RBFOX1: variants seen among roughly 807,000 people sequenced by gnomAD.
RBFOX1 encodes RNA binding fox-1 homolog 1.
RBFOX1 carries 8 observed loss-of-function variants against 57.7 expected under a neutral mutation model. That is an observed-to-expected ratio of 0.14 (90% CI 0.08 to 0.25). The LOEUF (loss-of-function observed/expected upper bound fraction) is 0.25, where lower values mean the gene tolerates loss of function less well. Ranked by LOEUF, RBFOX1 falls within the 10% of genes least tolerant of loss-of-function variation. The pLI is 1.00. For synonymous variants in RBFOX1, 326 were observed against 222.4 expected (o/e 1.47, Z -4.15); for missense variants, 611 against 548.5 (o/e 1.11, Z -1.14).
chr16:6,645,087 G>A (rs149430315), intron 2 of RBFOX1, among the ~76,000 whole-genome samples: 4 of 152,160 alleles, frequency 2.6e-5, no homozygotes, highest in Non-Finnish European at 5.9e-5. Context: ...CTCTTCCAGT[G>A]TCTGGTAGCT....
intron 3 of RBFOX1, among the ~76,000 whole-genome samples, chr16:6,927,346 G>C (rs916836139): frequency 2.2e-5 from 3 of 139,060 alleles, no homozygotes; most frequent in Admixed American, 8.0e-5. Context: ...CCGGGAGGCA[G>C]AGGTTGCAGT....
chr16:7,516,344 C>A lies in RBFOX1; in HGVS notation c.28-1803C>A, dbSNP rs2076350079. Among the ~76,000 whole-genome samples, 6 of 152,004 alleles carry A rather than the reference C, an allele frequency of 3.9e-5. 1 individual carries two copies. In the South Asian group the frequency reaches 1.3e-3, roughly 32 times the overall value. ...AATCCATGGGACTATCTCAGTGGGA[C>A]CATCTGATTGGCCAGGCTGATGTCC... On this transcript the variant is annotated intron_variant, in intron 4 of 15. Coordinates refer to ENST00000550418, the MANE Select transcript of RBFOX1 (RefSeq NM_018723.4).
At chr16:7,491,304 T>C (rs926235415) in intron 4 of RBFOX1, among the ~76,000 whole-genome samples, 1 of 151,738 alleles carries the variant, frequency 6.6e-6, no homozygotes, top group Middle Eastern at 3.4e-3. Context: ...GTTGCTTTGC[T>C]ATTTAATGCA....
At chr16:7,082,403 C>G (rs1288732305) in intron 4 of RBFOX1, among the ~76,000 whole-genome samples, 2 of 151,788 alleles carry the variant, frequency 1.3e-5, no homozygotes, top group Admixed American at 6.6e-5. Flanking sequence ...AAACATGGCA[C>G]AACCCTGCAT....
At chr16:7,283,962 C>G (rs2095599222) in intron 4 of RBFOX1, among the ~76,000 whole-genome samples, 1 of 152,222 alleles carries the variant, frequency 6.6e-6, no homozygotes, top group Non-Finnish European at 1.5e-5. Flanking sequence ...AGCTCTAGAT[C>G]CTGGGAATTG....
intron 2 of RBFOX1, among the ~76,000 whole-genome samples, chr16:6,540,570 C>G (rs900283995): frequency 1.4e-5 from 2 of 142,136 alleles, no homozygotes. Context: ...CGAGATTGCA[C>G]CACTGTACTC....
At chr16:6,563,069 C>T (rs538239603) in intron 2 of RBFOX1, among the ~76,000 whole-genome samples, 2 of 151,894 alleles carry the variant, frequency 1.3e-5, no homozygotes, top group Non-Finnish European at 2.9e-5. Context: ...GGCAGGGGGC[C>T]ATGGAGTATA....
chr16:6,984,084 C>G (rs1452232640), intron 3 of RBFOX1, among the ~76,000 whole-genome samples: 1 of 152,072 alleles, frequency 6.6e-6, no homozygotes, highest in Non-Finnish European at 1.5e-5. Context: ...CCTGTCTCTA[C>G]TAAAAATACG....
chr16:5,556,346 C>G (rs1390543880), intron 2 of RBFOX1, among the ~76,000 whole-genome samples: 2 of 152,166 alleles, frequency 1.3e-5, no homozygotes, highest in African/African-American at 2.4e-5. Context: ...TGCCTACCCT[C>G]CCCGGCAGCT....
chr16:6,641,302 A>C (rs2098485599), intron 2 of RBFOX1, among the ~76,000 whole-genome samples: 1 of 152,174 alleles, frequency 6.6e-6, no homozygotes, highest in Admixed American at 6.5e-5. Flanking sequence ...ACAGCATTGT[A>C]ACACGGTTCA....
At chr16:6,202,226 A>G (rs948769157) in intron 1 of RBFOX1, among the ~76,000 whole-genome samples, 1 of 152,170 alleles carries the variant, frequency 6.6e-6, no homozygotes, top group Non-Finnish European at 1.5e-5. Flanking sequence ...CCTAATTTTC[A>G]CATGGCTGTG....
intron 4 of RBFOX1, among the ~76,000 whole-genome samples, chr16:7,420,958 C>CAT (rs1438388550): frequency 1.0e-4 from 15 of 146,424 alleles, no homozygotes; most frequent in African/African-American, 3.7e-4. Flanking sequence ...CACACACACA[C>CAT]ACATATATAT....
chr16:6,266,855 G>A (rs1015075615), intron 1 of RBFOX1, among the ~76,000 whole-genome samples: 4 of 152,084 alleles, frequency 2.6e-5, no homozygotes, highest in African/African-American at 9.7e-5. Context: ...TTTTTTGTCT[G>A]TCTTCTGTAT....
At chr16:6,480,277 A>G (rs962914772) in intron 2 of RBFOX1, among the ~76,000 whole-genome samples, 2 of 152,218 alleles carry the variant, frequency 1.3e-5, no homozygotes, top group African/African-American at 2.4e-5. Flanking sequence ...CACTTAAAAC[A>G]AGTTATATGT....
At chr16:7,050,252 C>G (rs1388744983) in intron 3 of RBFOX1, among the ~76,000 whole-genome samples, 4 of 143,020 alleles carry the variant, frequency 2.8e-5, no homozygotes, top group Non-Finnish European at 6.1e-5. Flanking sequence ...TTTTTTTTTC[C>G]TTTATTTTTA....
At chr16:6,677,003 C>T (rs1378373294) in intron 3 of RBFOX1, among the ~76,000 whole-genome samples, 1 of 152,006 alleles carries the variant, frequency 6.6e-6, no homozygotes, top group Non-Finnish European at 1.5e-5. Flanking sequence ...TGCACAGATC[C>T]AAAAGACCAA....
At chr16:6,930,481 C>A (rs1200476358) in intron 3 of RBFOX1, among the ~76,000 whole-genome samples, 1 of 151,368 alleles carries the variant, frequency 6.6e-6, no homozygotes, top group Non-Finnish European at 1.5e-5. Context: ...GTGATCTCGG[C>A]TCACTACAAC....
chr16:6,168,800 G>T (rs1021406971), intron 1 of RBFOX1, among the ~76,000 whole-genome samples: 2 of 151,470 alleles, frequency 1.3e-5, no homozygotes, highest in African/African-American at 4.9e-5. Context: ...CATTTTCACT[G>T]GTTCTTTCAC....
chr16:5,394,275 G>A (rs1350747565), intron 1 of RBFOX1, among the ~76,000 whole-genome samples: 1 of 152,146 alleles, frequency 6.6e-6, no homozygotes, highest in African/African-American at 2.4e-5. Context: ...GCCCGCCTCA[G>A]CCTCTCAAAG....
Sources: gnomAD v4.1 joint callset for allele counts (sites outside exome capture counted in the v4.1 genomes callset) on GRCh38, gnomAD v4.1.1 for gene constraint, MANE v1.5 for transcripts, NCBI Gene and HGNC (gene_info 2026-07-23, HGNC 2026-07-21) for gene names.